The following GCFC2 variants were observed in gnomAD, a reference collection of about 807,000 sequenced individuals.
GCFC2 encodes the protein GC-rich sequence DNA-binding factor 2.
In GCFC2, 102 loss-of-function variants were observed where a neutral mutation model predicts 99.4. The ratio of observed to expected loss-of-function variants is 1.03; its 90% CI spans 0.87 to 1.21. The LOEUF is 1.21. Ranked by LOEUF, GCFC2 falls within the 50% of genes most tolerant of loss-of-function variation. The pLI is 0.00. For synonymous variants in GCFC2, 338 were observed against 316.8 expected (o/e 1.07, Z -0.71); for missense variants, 973 against 920.9 (o/e 1.06, Z -0.73).
In GCFC2 at chr2:75,701,226, T is replaced by C. The variant is rs746936349; in HGVS notation, c.681A>G (p.Glu227=). The part of the protein sequence containing the change: ...SQEDEKQDTW[E]QQQMRKAVKI... ...TAACTGCTTTCCTCATTTGCTGTTG[T>C]TCCCAAGTATCTTGCTTTTCATCTT... Residue 227 remains glutamate, a synonymous_variant, in exon 4 of 17, where the codon GAA becomes GAG. Transcript: ENST00000321027. 6.2e-6 allele frequency: 10 copies of C among 1,604,928 alleles called. No homozygotes were observed. Among genetic ancestry groups the C allele is most frequent in the South Asian group, 5.5e-5 (5 of 90,876 alleles).
In GCFC2 at chr2:75,690,094, A is replaced by G. The variant is rs1313081131; in HGVS notation, c.1227-13T>C. 6.7e-7 allele frequency: 1 copy of G among 1,491,048 alleles called. No individual in the cohort carries two copies. The highest frequency in any genetic ancestry group is 9.2e-7 in the Non-Finnish European group (1 of 1,082,708). The allele number at this position is 1,491,048 out of a possible 1,614,324, so 92.4% of individuals were successfully genotyped here. A position where few individuals can be genotyped will look rare whatever the true frequency, so the allele number is the denominator to read the frequency against. ...TCTTCTTTTTGTCCTATATTTTGCA[A>G]CAAACCAAAAATAAACAAAAAGTAA... On this transcript the variant is annotated splice_polypyrimidine_tract_variant and intron_variant, in intron 8 of 16. Transcript: ENST00000321027.
chr2:75,710,836 C>A lies in GCFC2; in HGVS notation c.20G>T (p.Arg7Met). 1 of 1,576,056 alleles carries A rather than the reference C, an allele frequency of 6.3e-7. No individual in the cohort carries two copies. Among genetic ancestry groups the A allele is most frequent in the Non-Finnish European group, 8.6e-7 (1 of 1,169,180 alleles). Reference protein sequence around the residue: MAHRPKRTFRQRAADSS... With the variant: MAHRPKMTFRQRAADSS... Reference sequence around the variant, plus strand: ...ATCAGCCGCGCGCTGCCGAAAAGTCCTTTTCGGCCTGTGAGCCATGGCCGA... The same window carrying A: ...ATCAGCCGCGCGCTGCCGAAAAGTCATTTTCGGCCTGTGAGCCATGGCCGA... Residue 7 changes from arginine to methionine, a missense_variant, in exon 1 of 17, where the codon AGG becomes ATG. Physicochemically the swap from Arg to Met is moderately conservative, Grantham distance 91. Transcript: ENST00000321027.
chr2:75,701,829 G>A, intron 3 of GCFC2: 1 of 956,866 alleles, frequency 1.0e-6, no homozygotes, highest in Non-Finnish European at 1.3e-6. Flanking sequence ...TTACAGCAGG[G>A]AAGATTTTAA....
chr2:75,676,733 C>G (rs1679358196), intron 12 of GCFC2, among the ~76,000 whole-genome samples: 1 of 152,166 alleles, frequency 6.6e-6, no homozygotes, highest in African/African-American at 2.4e-5. Flanking sequence ...AAAACTGTGT[C>G]TCTCTCATCT....
chr2:75,690,387 G>A (rs912204778), intron 8 of GCFC2: 77 of 502,640 alleles, frequency 1.5e-4, no homozygotes, highest in African/African-American at 8.0e-5. Flanking sequence ...AATTAGGACC[G>A]GTTTCTAGTT....
chr2:75,689,631 A>G (rs1679971613), intron 9 of GCFC2, among the ~76,000 whole-genome samples: 1 of 152,264 alleles, frequency 6.6e-6, no homozygotes, highest in South Asian at 2.1e-4. Context: ...TCTTCTCATC[A>G]TGCTAAAAAG....
chr2:75,689,261 T>C (rs1679949519), intron 9 of GCFC2, 36 bp from the exon 10 acceptor site: 3 of 1,188,776 alleles, frequency 2.5e-6, no homozygotes, highest in African/African-American at 1.5e-5. Flanking sequence ...GCATTTTAAG[T>C]TGTGAACTTT....
intron 3 of GCFC2, chr2:75,701,494 G>C: frequency 1.9e-6 from 1 of 524,768 alleles, no homozygotes; most frequent in East Asian, 3.2e-5. Flanking sequence ...AACTGTCTTA[G>C]GACTATGTTG....
intron 11 of GCFC2, among the ~76,000 whole-genome samples, chr2:75,684,780 A>G (rs1367501309): frequency 6.6e-6 from 1 of 152,210 alleles, no homozygotes; most frequent in African/African-American, 2.4e-5. Flanking sequence ...GGCACTATTC[A>G]CAATAGCAAA....
chr2:75,666,633 C>T (rs2108194), intron 15 of GCFC2, among the ~76,000 whole-genome samples: 37,284 of 151,368 alleles, frequency 0.25, 6,420 homozygotes, highest in African/African-American at 0.5. Flanking sequence ...TACATTTTAT[C>T]ATTGTCATCC....
chr2:75,684,447 C>T (rs539378752), intron 11 of GCFC2, among the ~76,000 whole-genome samples: 7 of 152,164 alleles, frequency 4.6e-5, no homozygotes, highest in Admixed American at 1.3e-4. Flanking sequence ...AAACACACAA[C>T]GTACCAGAAT....
At chr2:75,671,503 A>G (rs552637032) in intron 14 of GCFC2, among the ~76,000 whole-genome samples, 1 of 152,234 alleles carries the variant, frequency 6.6e-6, no homozygotes, top group South Asian at 2.1e-4. Context: ...CCTCCCAAAC[A>G]TTGTTTGAAC....
At chr2:75,705,616 C>CAAAAAAAAAAA (rs34447327) in intron 2 of GCFC2, among the ~76,000 whole-genome samples, 2 of 84,324 alleles carry the variant, frequency 2.4e-5, no homozygotes, top group Non-Finnish European at 4.3e-5. Flanking sequence ...GACTCCATCT[C>CAAAAAAAAAAA]AAAAAAAAAA....
At chr2:75,677,052 A>G (rs367599342) in intron 12 of GCFC2, among the ~76,000 whole-genome samples, 8 of 152,226 alleles carry the variant, frequency 5.3e-5, no homozygotes, top group African/African-American at 1.7e-4. Context: ...ACTTAAGCTT[A>G]TATTTCCCCA....
intron 12 of GCFC2, among the ~76,000 whole-genome samples, chr2:75,679,143 T>G (rs1030713027): frequency 6.6e-6 from 1 of 152,238 alleles, no homozygotes; most frequent in African/African-American, 2.4e-5. Flanking sequence ...ACAGTTTATG[T>G]GCATCTTATT....
At chr2:75,700,890 AAC>A (rs1343190153) in intron 4 of GCFC2, among the ~76,000 whole-genome samples, 2 of 152,188 alleles carry the variant, frequency 1.3e-5, no homozygotes, top group African/African-American at 4.8e-5. Flanking sequence ...TTACGAGAAA[AAC>A]ACACAGTAGA....
intron 15 of GCFC2, 95 bp from the exon 16 acceptor site, chr2:75,666,148 T>A: frequency 1.2e-6 from 1 of 852,758 alleles, no homozygotes. Context: ...TGAGTATCAT[T>A]CTCCCCATTT....
At chr2:75,667,170 G>A (rs1678881087) in intron 15 of GCFC2, among the ~76,000 whole-genome samples, 1 of 152,146 alleles carries the variant, frequency 6.6e-6, no homozygotes, top group Admixed American at 6.5e-5. Context: ...TTGCATTCCA[G>A]TTTTGTACTC....
At chr2:75,680,109 GC>G in intron 12 of GCFC2, 83 bp downstream of exon 12, 1 of 905,436 alleles carries the variant, frequency 1.1e-6, no homozygotes, top group East Asian at 2.5e-5. Context: ...AATCACTTCT[GC>G]ATCTTTTATA....
Sources: gnomAD v4.1 joint callset for allele counts (sites outside exome capture counted in the v4.1 genomes callset) on GRCh38, gnomAD v4.1.1 for gene constraint, MANE v1.5 for transcripts, NCBI Gene and HGNC (gene_info 2026-07-23, HGNC 2026-07-21) for gene names.